GPHN: variants seen among roughly 807,000 people sequenced by gnomAD.
GPHN encodes gephyrin.
GPHN carries 17 observed loss-of-function variants against 95.5 expected under a neutral mutation model. The ratio of observed to expected loss-of-function variants is 0.18; its 90% CI spans 0.12 to 0.27. The LOEUF (loss-of-function observed/expected upper bound fraction) is 0.27, where lower values mean the gene tolerates loss of function less well. Among genes scored for constraint, GPHN ranks in the 10% least tolerant of loss-of-function variants. The pLI is 1.00. For missense variants in GPHN, 660 were observed against 978.1 expected (o/e 0.67, Z 4.34); for synonymous variants, 320 against 322.5 (o/e 0.99, Z 0.08).
At chr14:66,647,470 A>G (rs2064818214) in intron 1 of GPHN, among the ~76,000 whole-genome samples, 1 of 151,936 alleles carries the variant, frequency 6.6e-6, no homozygotes, top group Admixed American at 6.6e-5. Context: ...AATTCAAAAT[A>G]CAGTAGTCCC....
chr14:67,382,805 A>C, the GPHN span: 1 of 548,260 alleles, frequency 1.8e-6, no homozygotes. Flanking sequence ...TTGAATTTGC[A>C]TGTGGCATGT....
At chr14:67,573,250 T>G in the GPHN span, 1 of 1,452,660 alleles carries the variant, frequency 6.9e-7, no homozygotes, top group East Asian at 2.3e-5. This position sits in a 1 kb window ranked among gnomAD's most constrained non-coding sequence, Gnocchi z 4.8. Context: ...TTCCCCTTTC[T>G]TCATCTACAC....
chr14:67,198,125 C>T, the GPHN span: 4 of 1,580,124 alleles, frequency 2.5e-6, no homozygotes, highest in East Asian at 2.3e-5. Flanking sequence ...ATTGTGTTTC[C>T]ATTCCCTCAG....
At chr14:66,585,125 ATGTG>A (rs375303919) in intron 1 of GPHN, among the ~76,000 whole-genome samples, 2,014 of 152,196 alleles carry the variant, frequency 0.013, 22 homozygotes, top group Non-Finnish European at 0.018. Flanking sequence ...GGGAGGGTGT[ATGTG>A]TCCAGGAATT....
chr14:67,419,798 G>T, the GPHN span, among the ~76,000 whole-genome samples: 1 of 151,458 alleles, frequency 6.6e-6, no homozygotes, highest in African/African-American at 2.4e-5. Flanking sequence ...ACAGTAAGCC[G>T]AGATCGCGCC....
At chr14:67,704,477 A>G in the GPHN span, among the ~76,000 whole-genome samples, 1 of 152,170 alleles carries the variant, frequency 6.6e-6, no homozygotes, top group African/African-American at 2.4e-5. Flanking sequence ...CATTTTCGGA[A>G]CAGCTCCATT....
chr14:66,914,850 G>A (rs957767455), intron 5 of GPHN, among the ~76,000 whole-genome samples: 10 of 151,934 alleles, frequency 6.6e-5, no homozygotes, highest in African/African-American at 2.4e-4. Context: ...TAAGTAAACA[G>A]GAACATATTA....
the GPHN span, among the ~76,000 whole-genome samples, chr14:67,670,156 C>CTGTA: frequency 6.6e-6 from 1 of 152,202 alleles, no homozygotes; most frequent in Non-Finnish European, 1.5e-5. Context: ...ACACAGTCCC[C>CTGTA]TGTACCCAGA....
chr14:67,478,154 C>T, the GPHN span, among the ~76,000 whole-genome samples: 1 of 152,274 alleles, frequency 6.6e-6, no homozygotes, highest in Non-Finnish European at 1.5e-5. Flanking sequence ...TAGCTCCACT[C>T]CACCTGTCTC....
At chr14:67,481,494 C>CA in the GPHN span, among the ~76,000 whole-genome samples, 1 of 152,094 alleles carries the variant, frequency 6.6e-6, no homozygotes, top group Non-Finnish European at 1.5e-5. Context: ...AATGAAAGAC[C>CA]TGAGTCAGGG....
intron 1 of GPHN, among the ~76,000 whole-genome samples, chr14:66,560,641 G>A (rs371304825): frequency 1.3e-5 from 2 of 152,170 alleles, no homozygotes; most frequent in Admixed American, 6.5e-5. Flanking sequence ...GAGATTTTGG[G>A]CTGAGACAAA....
At position 66,725,522 on chromosome 14, in the gene GPHN, T is replaced by C. The variant is rs2071149889; in HGVS notation, c.143+44337T>C. Among the ~76,000 whole-genome samples, 2 of 152,172 alleles carry C rather than the reference T, an allele frequency of 1.3e-5. 1 individual carries two copies. Among genetic ancestry groups the C allele is most frequent in the South Asian group, 4.1e-4 (2 of 4,836 alleles). ...GTTTTTTGACAGTGTCTTGCTCTGT[T>C]GCCCAGTCTGGAGTGCAGTGGCACA... On this transcript the variant is annotated intron_variant, in intron 2 of 22. Coordinates refer to ENST00000478722, the MANE Select transcript of GPHN (RefSeq NM_020806.5).
At chr14:67,352,157 T>C in the GPHN span, among the ~76,000 whole-genome samples, 2 of 151,986 alleles carry the variant, frequency 1.3e-5, no homozygotes, top group Admixed American at 1.3e-4. Flanking sequence ...ACAGCACTCA[T>C]AGAAAATGCT....
intron 1 of GPHN, among the ~76,000 whole-genome samples, chr14:66,601,923 A>G (rs1414912142): frequency 2.0e-5 from 3 of 152,006 alleles, no homozygotes; most frequent in Non-Finnish European, 2.9e-5. Flanking sequence ...AATATTTTAA[A>G]CCAAATATTC....
At chr14:66,658,644 G>A (rs914580509) in intron 1 of GPHN, among the ~76,000 whole-genome samples, 1 of 152,200 alleles carries the variant, frequency 6.6e-6, no homozygotes, top group Middle Eastern at 3.4e-3. Context: ...TTTGCAATAA[G>A]ATCTTTTAAA....
At chr14:66,613,380 T>C (rs1309342850) in intron 1 of GPHN, among the ~76,000 whole-genome samples, 1 of 152,070 alleles carries the variant, frequency 6.6e-6, no homozygotes, top group Non-Finnish European at 1.5e-5. Context: ...GTATTCTTCA[T>C]GGCACCATTC....
the GPHN span, among the ~76,000 whole-genome samples, chr14:67,192,958 C>A: frequency 7.0e-6 from 1 of 143,760 alleles, no homozygotes; most frequent in East Asian, 2.0e-4. Flanking sequence ...CTCTATATAT[C>A]TATATATCGA....
the GPHN span, chr14:67,729,685 GT>G: frequency 1.7e-6 from 1 of 571,594 alleles, no homozygotes; most frequent in Non-Finnish European, 3.3e-6. Context: ...GATCTGGATC[GT>G]TTTTCTCCTT....
chr14:66,838,340 A>G (rs1488244847), intron 4 of GPHN, among the ~76,000 whole-genome samples: 5 of 152,096 alleles, frequency 3.3e-5, no homozygotes, highest in African/African-American at 9.7e-5. Flanking sequence ...AAATAAGTAG[A>G]TGATGGTGGA....
Sources: allele counts gnomAD v4.1 joint callset (sites outside exome capture counted in the v4.1 genomes callset), GRCh38; gene constraint gnomAD v4.1.1; non-coding constraint Gnocchi (gnomAD v3.1); transcripts MANE v1.5; gene names NCBI Gene and HGNC (gene_info 2026-07-23, HGNC 2026-07-21).